MZT2B: variants seen among roughly 807,000 people sequenced by gnomAD.
The protein encoded by MZT2B is mitotic-spindle organizing protein 2B.
Under a neutral mutation model 12.1 loss-of-function variants are expected in MZT2B, and 11 were observed. The observed-to-expected ratio is 0.91, with a 90% CI of 0.57 to 1.50. The LOEUF is 1.50. Ranked by LOEUF, MZT2B falls within the 40% of genes most tolerant of loss-of-function variation. The pLI is 0.00. For missense variants in MZT2B, 209 were observed against 227.7 expected, an observed-to-expected ratio of 0.92 and a Z score of 0.53; for synonymous variants, 85 against 109.5, an observed-to-expected ratio of 0.78 and a Z score of 1.40.
In MZT2B at chr2:130,185,596, G is replaced by A. The variant is rs551336341; in HGVS notation, c.319+2821G>A. On this transcript the variant is annotated intron_variant, in intron 2 of 2. Coordinates refer to ENST00000281871, the MANE Select transcript of MZT2B (RefSeq NM_025029.5). ...AAGGGTTACAGCAGGAGGGGGGTCG[G>A]CAGAGCCCCACACGTGTGAGCTGGG... Among the ~76,000 whole-genome samples the A allele has an allele frequency of 3.1e-4, 36 of 114,512 alleles. 6 individuals carry two copies. The South Asian group carries it at 9.6e-3, about 30-fold the overall frequency. 75.1% of individuals were successfully genotyped at this position (114,512 alleles called of 152,430 possible).
intron 2 of MZT2B, chr2:130,188,075 A>C (rs1459874443): frequency 6.6e-6 from 1 of 152,318 alleles, no homozygotes. Flanking sequence ...TCAAAAAAAA[A>C]AAAAAGCATT....
chr2:130,194,975 G>A, downstream of MZT2B: 1 of 1,552,714 alleles, frequency 6.4e-7, no homozygotes, highest in Non-Finnish European at 8.7e-7. Context: ...ACCGCGCCCG[G>A]CCAAGATGCT....
chr2:130,196,809 G>A, the MZT2B span, among the ~76,000 whole-genome samples: 1 of 152,182 alleles, frequency 6.6e-6, no homozygotes, highest in Non-Finnish European at 1.5e-5. Context: ...CTCAGTGTGT[G>A]TCCTCTCTCT....
intron 2 of MZT2B, among the ~76,000 whole-genome samples, chr2:130,187,698 G>A (rs920455228): frequency 6.6e-6 from 1 of 152,158 alleles, no homozygotes; most frequent in Non-Finnish European, 1.5e-5. Flanking sequence ...CCCACTGCAA[G>A]GCACTGCAGG....
chr2:130,201,872 T>C, the MZT2B span, among the ~76,000 whole-genome samples: 1 of 152,234 alleles, frequency 6.6e-6, no homozygotes, highest in East Asian at 1.9e-4. Flanking sequence ...CAAGGATTTA[T>C]GTATCTAAAC....
downstream of MZT2B, among the ~76,000 whole-genome samples, chr2:130,193,078 G>A (rs561656402): frequency 2.8e-5 from 4 of 142,400 alleles, no homozygotes; most frequent in Non-Finnish European, 6.0e-5. Context: ...GGACGACAGA[G>A]CAAGATTGTC....
chr2:130,198,089 C>T, the MZT2B span, among the ~76,000 whole-genome samples: 8 of 123,024 alleles, frequency 6.5e-5, 3 homozygotes, highest in Non-Finnish European at 1.3e-4. Context: ...CAGGAGGCGA[C>T]GCCACTATTT....
chr2:130,182,425 G>C lies in MZT2B; in HGVS notation c.143G>C (p.Gly48Ala). The change falls in exon 1 of 3, where the codon GGC becomes GCC. Residue 48 changes from glycine to alanine, a missense_variant. By Grantham distance (60) the Gly-to-Ala change is moderately conservative. Coordinates refer to ENST00000281871, the MANE Select transcript of MZT2B (RefSeq NM_025029.5). ...MELYELAQAA[G>A]GAIDPDVFKI... ...CTGTACGAGCTGGCGCAGGCGGCGG[G>C]CGGCGCTATCGACCCCGACGTGTTC... 4 of 1,563,426 alleles carry C rather than the reference G, an allele frequency of 2.6e-6. No individual in the cohort carries two copies. In the South Asian group the frequency reaches 4.7e-5, roughly 18 times the overall value.
intron 2 of MZT2B, among the ~76,000 whole-genome samples, chr2:130,189,779 A>G (rs1690190102): frequency 6.6e-6 from 1 of 152,250 alleles, no homozygotes; most frequent in Admixed American, 6.5e-5. Flanking sequence ...CAAATTACAA[A>G]TCAAAGAAAC....
chr2:130,202,276 A>G, the MZT2B span: 1 of 1,274,004 alleles, frequency 7.8e-7, no homozygotes, highest in Non-Finnish European at 1.0e-6. Flanking sequence ...TATAGTTGCT[A>G]CACAGAAAGG....
chr2:130,185,199 T>C (rs1480638799), intron 2 of MZT2B, among the ~76,000 whole-genome samples: 4 of 151,654 alleles, frequency 2.6e-5, no homozygotes, highest in Non-Finnish European at 4.4e-5. Context: ...TAGTCCCAGC[T>C]ACTCGGGAGG....
chr2:130,183,439 G>A (rs2104959522), intron 2 of MZT2B: 1 of 415,982 alleles, frequency 2.4e-6, no homozygotes, highest in South Asian at 2.2e-5. Context: ...CCTCTCCAGT[G>A]TGGTGACTGG....
At chr2:130,188,477 C>G (rs1448900018) in intron 2 of MZT2B, among the ~76,000 whole-genome samples, 1 of 152,182 alleles carries the variant, frequency 6.6e-6, no homozygotes, top group East Asian at 1.9e-4. Context: ...TGCGTGGTGG[C>G]TATTGTCTGC....
chr2:130,183,032 C>T (rs1689842593), intron 2 of MZT2B: 2 of 606,298 alleles, frequency 3.3e-6, no homozygotes, highest in African/African-American at 1.9e-5. Context: ...CTTAGCTCCC[C>T]TCCACCTCTT....
At chr2:130,196,037 T>C in the MZT2B span, 10 of 1,364,380 alleles carry the variant, frequency 7.3e-6, no homozygotes, top group African/African-American at 1.2e-4. Flanking sequence ...CATGGGCATA[T>C]GCCTGTCTAT....
the MZT2B span, among the ~76,000 whole-genome samples, chr2:130,203,048 C>CT: frequency 0.023 from 2,691 of 118,458 alleles, 25 homozygotes; most frequent in African/African-American, 0.048. Context: ...TTTCTTTTTT[C>CT]TTTTTTTTTT....
chr2:130,195,085 G>T (rs1211767242), downstream of MZT2B: 1 of 1,612,816 alleles, frequency 6.2e-7, no homozygotes. Flanking sequence ...TTACCAGTTT[G>T]CGGATCCGGT....
chr2:130,204,741 G>A, the MZT2B span, among the ~76,000 whole-genome samples: 6 of 150,748 alleles, frequency 4.0e-5, no homozygotes, highest in Non-Finnish European at 7.4e-5. Context: ...ATATTTCAGC[G>A]ATGGTATTGA....
chr2:130,202,538 C>A, the MZT2B span: 1 of 1,083,590 alleles, frequency 9.2e-7, no homozygotes, highest in Non-Finnish European at 1.2e-6. Flanking sequence ...TTGGGACTCC[C>A]ACTCATGGAC....
Sources: allele counts gnomAD v4.1 joint callset (sites outside exome capture counted in the v4.1 genomes callset), GRCh38; gene constraint gnomAD v4.1.1; transcripts MANE v1.5; gene names NCBI Gene and HGNC (gene_info 2026-07-23, HGNC 2026-07-21).